Variants in NUMA1 observed in about 807,000 individuals in gnomAD.
NUMA1 encodes SP-H antigen.
In NUMA1, 62 loss-of-function variants were observed where a neutral mutation model predicts 237.1. The ratio of observed to expected loss-of-function variants is 0.26; its 90% CI spans 0.21 to 0.32. The LOEUF (loss-of-function observed/expected upper bound fraction) is 0.32, where lower values mean the gene tolerates loss of function less well. Ranked by LOEUF, NUMA1 falls within the 10% of genes least tolerant of loss-of-function variation. The pLI, the probability that NUMA1 is intolerant of heterozygous loss-of-function variation, is 1.00. For missense variants in NUMA1, 2,533 were observed against 2,666.5 expected, an observed-to-expected ratio of 0.95 and a Z score of 1.10; for synonymous variants, 1,028 against 1,066.1, an observed-to-expected ratio of 0.96 and a Z score of 0.70.
intron 20 of NUMA1, 191 bp from the exon 21 acceptor site, chr11:72,007,626 TCTC>T (rs546924264): frequency 5.0e-5 from 34 of 685,490 alleles, no homozygotes; most frequent in South Asian, 4.2e-4. Flanking sequence ...TCCCCTGGCT[TCTC>T]CTAATAGCTC....
At chr11:72,059,945 A>T (rs1942854149) in intron 2 of NUMA1, among the ~76,000 whole-genome samples, 1 of 152,174 alleles carries the variant, frequency 6.6e-6, no homozygotes, top group South Asian at 2.1e-4. Context: ...GTTTTAATTT[A>T]TATCTTATTT....
intron 24 of NUMA1, 110 bp downstream of exon 24, chr11:72,004,530 A>C: frequency 7.8e-7 from 1 of 1,284,186 alleles, no homozygotes; most frequent in Non-Finnish European, 1.1e-6. Context: ...GAGAGAGGGA[A>C]AGAGAGGGGG....
rs561543526 is a variant in NUMA1 at position 72,053,774 on chromosome 11, T to C, written c.-33+16068A>G. ...GCCCTCTGTATCCATGGGTTCCACATGTGTGGATTCAACCAACCTGAGATG... is the reference window on the plus strand; with the variant it reads ...GCCCTCTGTATCCATGGGTTCCACACGTGTGGATTCAACCAACCTGAGATG... On this transcript the variant is annotated intron_variant, in intron 2 of 26. Transcript: ENST00000393695. Among the ~76,000 whole-genome samples the C allele has an allele frequency of 1.4e-4, 22 of 152,346 alleles. No homozygotes were observed. The East Asian group carries it at 3.7e-3, about 25-fold the overall frequency.
Position 72,009,124 on chromosome 11 carries a change from T to G in NUMA1, c.4901A>C (p.Gln1634Pro). The G allele has an allele frequency of 6.2e-7, 1 of 1,611,608 alleles. No homozygotes were observed. The highest frequency in any genetic ancestry group is 8.5e-7 in the Non-Finnish European group (1 of 1,179,642). ...KKQQNQELQE[Q>P]LRSLEQLQKE... ...CTGCAGCTGCTCCAGGCTCCGCAGC[T>G]GCTCCTGCAGCTCTTGGTTCTGCTG... Residue 1634 changes from glutamine (Q) to proline (P), a missense_variant, in exon 19 of 27, where the codon CAG (glutamine) becomes CCG (proline). Gln to Pro is a moderately conservative substitution (Grantham distance 76, BLOSUM62 -1). This residue lies in a region of NUMA1 where 795 missense variants were observed against 750.8 expected (regional missense o/e 1.06). Transcript: ENST00000393695.
In NUMA1 at chr11:72,017,825, C is replaced by T. The variant is rs143260427; in HGVS notation, c.981G>A (p.Leu327=). Residue 327 remains leucine (L), a splice_region_variant and synonymous_variant, in exon 13 of 27, where the codon CTG becomes CTA. Coordinates refer to ENST00000393695, the MANE Select transcript of NUMA1 (RefSeq NM_006185.4). The part of the protein sequence containing the change: ...SEENGDLSFK[L]REFASHLQQL... ...GCTGCAGATGACTGGCAAACTCCCGCAGCTGAGACGGGCAAGTGAGAATCC... is the reference window on the plus strand; with the variant it reads ...GCTGCAGATGACTGGCAAACTCCCGTAGCTGAGACGGGCAAGTGAGAATCC... The T allele has an allele frequency of 5.3e-4, 849 of 1,597,114 alleles. 2 individuals carry two copies. Among genetic ancestry groups the T allele is most frequent in the Admixed American group, 1.9e-3 (115 of 58,980 alleles).
At position 72,014,324 on chromosome 11, in the gene NUMA1, T is replaced by G. The variant is rs778968977; in HGVS notation, c.3179A>C (p.Glu1060Ala). The change falls in exon 15 of 27, where the codon GAA (glutamate) becomes GCA (alanine). Residue 1060 changes from glutamate to alanine, a missense_variant. This residue lies in a region of NUMA1 where 1,414 missense variants were observed against 1,508.1 expected (regional missense o/e 0.94). Transcript: ENST00000393695. This position sits in a 1 kb window ranked among gnomAD's most constrained non-coding sequence, Gnocchi z 4.6. The part of the protein sequence containing the change: ...EALAHALTEK[E>A]GKDQELAKLR... ...CTTGGCCAACTCCTGGTCCTTGCCT[T>G]CCTTTTCCGTCAGGGCATGAGCCAG... 1.2e-6 allele frequency: 2 copies of G among 1,613,856 alleles called. No individual in the cohort carries two copies. Among genetic ancestry groups the G allele is most frequent in the East Asian group, 2.2e-5 (1 of 44,892 alleles).
At chr11:72,023,453 A>T (rs1197359551) in intron 5 of NUMA1, among the ~76,000 whole-genome samples, 2 of 152,198 alleles carry the variant, frequency 1.3e-5, no homozygotes, top group African/African-American at 4.8e-5. Context: ...ACAGAGGAAG[A>T]GCCCAGAGAT....
intron 2 of NUMA1, among the ~76,000 whole-genome samples, chr11:72,037,985 C>T (rs1941240212): frequency 6.6e-6 from 1 of 152,098 alleles, no homozygotes; most frequent in Non-Finnish European, 1.5e-5. Flanking sequence ...GACTAAAGCT[C>T]GAGGGACCAC....
chr11:72,044,454 G>C (rs1204385703), intron 2 of NUMA1, among the ~76,000 whole-genome samples: 1 of 152,058 alleles, frequency 6.6e-6, no homozygotes, highest in Non-Finnish European at 1.5e-5. Flanking sequence ...ATTCTGCCTG[G>C]AGCAGGAGAC....
At position 72,019,597 on chromosome 11, in the gene NUMA1, A is replaced by G. The variant is rs757247587; in HGVS notation, c.481T>C (p.Ser161Pro). Residue 161 changes from serine (S) to proline (P), a missense_variant, in exon 9 of 27, where the codon TCT (serine) becomes CCT (proline). By Grantham distance (74) the Ser-to-Pro change is moderately conservative. Coordinates refer to ENST00000393695, the MANE Select transcript of NUMA1 (RefSeq NM_006185.4). ...LQKAPVPSTCSSTFPEELSPP... is the reference protein window; with the variant it reads ...LQKAPVPSTCPSTFPEELSPP... ...GAGAGCTCTTCAGGGAATGTGCTAGAACAGGTAGAAGGCACAGGAGCTGGG... is the reference window on the plus strand; with the variant it reads ...GAGAGCTCTTCAGGGAATGTGCTAGGACAGGTAGAAGGCACAGGAGCTGGG... The G allele has an allele frequency of 6.2e-7, 1 of 1,613,858 alleles. No individual in the cohort carries two copies. The highest frequency in any genetic ancestry group is 1.7e-5 in the Admixed American group (1 of 60,012).
intron 3 of NUMA1, among the ~76,000 whole-genome samples, chr11:72,034,009 G>C (rs967604745): frequency 1.3e-5 from 2 of 152,110 alleles, no homozygotes; most frequent in Non-Finnish European, 2.9e-5. Flanking sequence ...TAGCTACTTG[G>C]GGGGCTGAGG....
intron 24 of NUMA1, 123 bp downstream of exon 24, chr11:72,004,517 T>C (rs1199848070): frequency 8.7e-6 from 11 of 1,261,450 alleles, no homozygotes; most frequent in African/African-American, 3.0e-5. Context: ...GGTCAGGCCC[T>C]TGGAGAGAGG....
intron 22 of NUMA1, 52 bp from the exon 23 acceptor site, chr11:72,005,421 C>T: frequency 3.8e-6 from 6 of 1,571,130 alleles, no homozygotes; most frequent in South Asian, 2.3e-5. Flanking sequence ...GGCAGGTCAC[C>T]TCCTGGCCCT....
Position 72,009,373 on chromosome 11 carries a change from C to G in NUMA1, c.4734G>C (p.Gln1578His). 1.2e-6 allele frequency: 2 copies of G among 1,609,090 alleles called. No individual in the cohort carries two copies. Among genetic ancestry groups the G allele is most frequent in the Non-Finnish European group, 1.7e-6 (2 of 1,179,274 alleles). ...GGGCCTCCTGCTGGCTCTCGCCTCC[C>G]TGAGCCTGGACAGCCTGAGAAGAAA... ...QQQKLKAVQA[Q>H]GGESQQEAQR... Residue 1578 changes from glutamine (Q) to histidine (H), a missense_variant, in exon 18 of 27, where the codon CAG (glutamine) becomes CAC (histidine). Transcript: ENST00000393695.
rs367669125 is a variant in NUMA1 at position 72,004,718 on chromosome 11, G to C, written c.5928C>G (p.Ala1976=). The C allele has an allele frequency of 1.9e-6, 3 of 1,613,604 alleles. No individual in the cohort carries two copies. In the African/African-American group the frequency reaches 4.0e-5, roughly 22 times the overall value. Residue 1976 remains alanine (A), a synonymous_variant, in exon 24 of 27, where the codon GCC becomes GCG. Transcript: ENST00000393695. ...GCCGGGTGGTGATGCCAGTGCCCTCGGCTATCTGGATTGGCTGCATGCTGG... is the reference window on the plus strand; with the variant it reads ...GCCGGGTGGTGATGCCAGTGCCCTCCGCTATCTGGATTGGCTGCATGCTGG... The part of the protein sequence containing the change: ...RRASMQPIQI[A]EGTGITTRQQ...
At chr11:72,022,154 T>C (rs1938940752) in intron 7 of NUMA1, 185 bp downstream of exon 7, 1 of 522,750 alleles carries the variant, frequency 1.9e-6, no homozygotes, top group Admixed American at 3.6e-5. Flanking sequence ...GGAATGAGTT[T>C]ATCGGCAACT....
chr11:72,028,450 TAAAAAAAAAAAAAAAAAA>T (rs11300189), intron 4 of NUMA1, among the ~76,000 whole-genome samples: 3 of 75,368 alleles, frequency 4.0e-5, no homozygotes, highest in Non-Finnish European at 7.1e-5. Context: ...TGCTTTTTCT[TAAAAAAAAAAAAAAAAAA>T]AAAAAAAAAA....
intron 16 of NUMA1, among the ~76,000 whole-genome samples, chr11:72,011,630 G>C (rs931453792): frequency 2.6e-5 from 4 of 152,164 alleles, no homozygotes; most frequent in Admixed American, 2.6e-4. Flanking sequence ...TTAGAGGAGG[G>C]CCCAATTTTT....
At chr11:72,027,595 C>T (rs998489717) in intron 4 of NUMA1, among the ~76,000 whole-genome samples, 2 of 151,492 alleles carry the variant, frequency 1.3e-5, no homozygotes, top group African/African-American at 2.4e-5. Flanking sequence ...GAGAAAAAAG[C>T]AGGAAACAAA....
Sources: gnomAD v4.1 joint callset for allele counts (sites outside exome capture counted in the v4.1 genomes callset) on GRCh38, gnomAD v4.1.1 for gene constraint, gnomAD v4.1.1 regional missense constraint, Gnocchi (gnomAD v3.1) non-coding constraint, MANE v1.5 for transcripts, NCBI Gene and HGNC (gene_info 2026-07-23, HGNC 2026-07-21) for gene names.